Variants in ERICH6B observed in about 807,000 individuals in gnomAD.
ERICH6B encodes the protein glutamate-rich protein 6B.
In ERICH6B, 69 loss-of-function variants were observed where a neutral mutation model predicts 80.0. That is an observed-to-expected ratio of 0.86 (90% CI 0.71 to 1.05). The LOEUF is 1.05. Among genes scored for constraint, ERICH6B ranks in the 50% least tolerant of loss-of-function variants. The pLI is 0.00. For missense variants in ERICH6B, 754 were observed against 796.1 expected, an observed-to-expected ratio of 0.95 and a Z score of 0.64; for synonymous variants, 283 against 291.9, an observed-to-expected ratio of 0.97 and a Z score of 0.31.
At chr13:45,567,846 C>T (rs1874983569) in intron 9 of ERICH6B, among the ~76,000 whole-genome samples, 1 of 152,196 alleles carries the variant, frequency 6.6e-6, no homozygotes, top group Non-Finnish European at 1.5e-5. Flanking sequence ...TCAAGGCTCT[C>T]CCTCCTTCAG....
chr13:45,567,230 A>G (rs1428006831), intron 9 of ERICH6B, among the ~76,000 whole-genome samples: 3 of 152,186 alleles, frequency 2.0e-5, no homozygotes, highest in African/African-American at 7.2e-5. Context: ...GGCAGAAGGG[A>G]CTTGCCTTGT....
intron 14 of ERICH6B, among the ~76,000 whole-genome samples, chr13:45,544,141 C>T (rs1873895915): frequency 6.6e-6 from 1 of 152,136 alleles, no homozygotes; most frequent in South Asian, 2.1e-4. Flanking sequence ...GGTGTGATCT[C>T]AGCTCACTGC....
intron 8 of ERICH6B, among the ~76,000 whole-genome samples, chr13:45,571,479 T>C (rs1346035170): frequency 1.3e-5 from 2 of 152,182 alleles, no homozygotes; most frequent in African/African-American, 4.8e-5. Flanking sequence ...TGCTGGAATG[T>C]TTTTATGAGT....
intron 3 of ERICH6B, 104 bp from the exon 4 acceptor site, chr13:45,590,801 T>G: frequency 2.2e-6 from 2 of 922,166 alleles, no homozygotes; most frequent in Non-Finnish European, 3.2e-6. Context: ...GTTATAGAAA[T>G]TTTCTATTTT....
intron 4 of ERICH6B, among the ~76,000 whole-genome samples, chr13:45,588,986 G>T (rs1413773106): frequency 6.6e-6 from 1 of 152,208 alleles, no homozygotes; most frequent in Non-Finnish European, 1.5e-5. Flanking sequence ...AAGTGGGGAA[G>T]TGAGAGAGGG....
Position 45,548,325 on chromosome 13 carries a change from G to C in ERICH6B, c.1646+1568C>G, listed in dbSNP as rs115468907. Among the ~76,000 whole-genome samples, 271 of 152,358 alleles carry C rather than the reference G, an allele frequency of 1.8e-3. 2 individuals carry two copies. The highest frequency in any genetic ancestry group is 8.8e-3 in the Admixed American group (135 of 15,314). Reference sequence around the variant, plus strand: ...GGAGGGAATTCTAGCAGTTAGGGTCGTGCCCTGACCAAATGGCTTTGTATT... The same window carrying C: ...GGAGGGAATTCTAGCAGTTAGGGTCCTGCCCTGACCAAATGGCTTTGTATT... On this transcript the variant is annotated intron_variant, in intron 13 of 14. Coordinates refer to ENST00000298738, the MANE Select transcript of ERICH6B (RefSeq NM_182542.3).
intron 6 of ERICH6B, 52 bp from the exon 7 acceptor site, chr13:45,580,026 C>A: frequency 2.2e-6 from 3 of 1,384,490 alleles, no homozygotes; most frequent in South Asian, 1.2e-5. Context: ...GTGAACTAGT[C>A]CAGACCTTTT....
At position 45,542,688 on chromosome 13, in the gene ERICH6B, C is replaced by T. The variant is rs548926950; in HGVS notation, c.1873-1008G>A. On this transcript the variant is annotated intron_variant, in intron 14 of 14. Transcript: ENST00000298738. Reference sequence around the variant, plus strand: ...CATGCTGTCCAGCCCCAGCTGGTCCCGCCACTCGGGCTTGGTAGTGCTGGC... The same window carrying T: ...CATGCTGTCCAGCCCCAGCTGGTCCTGCCACTCGGGCTTGGTAGTGCTGGC... Among the ~76,000 whole-genome samples, 29 of 152,320 alleles carry T rather than the reference C, an allele frequency of 1.9e-4. No individual in the cohort carries two copies. The South Asian group carries it at 4.6e-3, about 24-fold the overall frequency.
intron 1 of ERICH6B, among the ~76,000 whole-genome samples, chr13:45,615,454 A>G (rs1260702737): frequency 6.6e-6 from 1 of 152,226 alleles, no homozygotes. Context: ...AATGGGAAGA[A>G]GCTGGGTCGA....
intron 8 of ERICH6B, among the ~76,000 whole-genome samples, chr13:45,570,035 T>C (rs887916738): frequency 1.3e-5 from 2 of 152,234 alleles, no homozygotes; most frequent in African/African-American, 2.4e-5. Flanking sequence ...GTCTGCTGGA[T>C]GGCCGACCAC....
chr13:45,544,875 A>G lies in ERICH6B; in HGVS notation c.1757T>C (p.Ile586Thr), dbSNP rs1309746075. ...GATGTACTCATTGATTTTCAAGGAG[A>G]TGGGCTGGACAGGGGGTGCGTGGAC... ...IHVHAPPVQP[I>T]SLKINEYIQV... The change falls in exon 14 of 15, where the codon ATC (isoleucine) becomes ACC (threonine). Residue 586 changes from isoleucine to threonine, a missense_variant. Ile to Thr is a moderately conservative substitution (Grantham distance 89). Coordinates refer to ENST00000298738, the MANE Select transcript of ERICH6B (RefSeq NM_182542.3). 1.1e-5 allele frequency: 17 copies of G among 1,551,544 alleles called. No individual in the cohort carries two copies. Among genetic ancestry groups the G allele is most frequent in the Non-Finnish European group, 1.5e-5 (17 of 1,146,996 alleles).
intron 3 of ERICH6B, 121 bp downstream of exon 3, chr13:45,596,248 A>G (rs1473183377): frequency 1.2e-5 from 15 of 1,259,214 alleles, no homozygotes; most frequent in Non-Finnish European, 1.6e-5. Context: ...TAGAGTTACC[A>G]TCCTTTGGGA....
At chr13:45,601,372 T>A (rs1320255286) in intron 2 of ERICH6B, among the ~76,000 whole-genome samples, 1 of 152,206 alleles carries the variant, frequency 6.6e-6, no homozygotes, top group African/African-American at 2.4e-5. Context: ...GGGAACACAG[T>A]GGCAGCCTAT....
intron 14 of ERICH6B, among the ~76,000 whole-genome samples, chr13:45,542,073 C>T (rs1873802832): frequency 6.6e-6 from 1 of 152,132 alleles, no homozygotes; most frequent in Non-Finnish European, 1.5e-5. Context: ...ACCCGTGAGC[C>T]CCGCCTCCAC....
intron 2 of ERICH6B, among the ~76,000 whole-genome samples, chr13:45,599,118 G>A (rs978188750): frequency 2.0e-5 from 3 of 152,206 alleles, no homozygotes; most frequent in African/African-American, 7.2e-5. Context: ...TATTTCCAGA[G>A]AACCTACCTT....
chr13:45,549,870 A>G, intron 13 of ERICH6B, 23 bp downstream of exon 13: 1 of 1,545,788 alleles, frequency 6.5e-7, no homozygotes, highest in South Asian at 1.2e-5. Context: ...CAGGAGTGTT[A>G]GGGACTCATG....
rs139219379 is a variant in ERICH6B, at chr13:45,575,736, C to T, written c.962-806G>A. 7.6e-3 allele frequency among the ~76,000 whole-genome samples: 1,163 copies of T among 152,176 alleles called. 13 individuals are homozygous for T. Among genetic ancestry groups the T allele is most frequent in the African/African-American group, 0.026 (1,066 of 41,516 alleles). On this transcript the variant is annotated intron_variant, in intron 7 of 14. Coordinates refer to ENST00000298738, the MANE Select transcript of ERICH6B (RefSeq NM_182542.3). ...ACAGTGAATGCCCTTGTTCCTAAAA[C>T]GGTCAGCTGCAGGCTGGTGACTCTC...
chr13:45,543,475 T>C lies in ERICH6B; in HGVS notation c.1872+1285A>G, dbSNP rs147087737. 5.3e-5 allele frequency among the ~76,000 whole-genome samples: 8 copies of C among 152,210 alleles called. No homozygotes were observed. The East Asian group carries it at 1.5e-3, about 29-fold the overall frequency. The stretch of plus-strand genomic sequence containing the variant: ...TAGGCCCTAGATCCAACTACTGGTG[T>C]CCTTTTAAGAAAAAAGACGAGGTTT... On this transcript the variant is annotated intron_variant, in intron 14 of 14. Coordinates refer to ENST00000298738, the MANE Select transcript of ERICH6B (RefSeq NM_182542.3).
chr13:45,576,232 CCTT>C (rs963612683), intron 7 of ERICH6B, among the ~76,000 whole-genome samples: 12 of 152,232 alleles, frequency 7.9e-5, no homozygotes, highest in Admixed American at 3.3e-4. Context: ...TACTTGCAAA[CCTT>C]CTTCTGCAGC....
Sources: gnomAD v4.1 joint callset for allele counts (sites outside exome capture counted in the v4.1 genomes callset) on GRCh38, gnomAD v4.1.1 for gene constraint, MANE v1.5 for transcripts, NCBI Gene and HGNC (gene_info 2026-07-23, HGNC 2026-07-21) for gene names.